The following CDKL3 variants were observed in gnomAD, a reference collection of about 807,000 sequenced individuals.
The protein encoded by CDKL3 is cyclin-dependent kinase-like 3.
Under a neutral mutation model 69.3 loss-of-function variants are expected in CDKL3, and 65 were observed. The observed-to-expected ratio is 0.94, with a 90% CI of 0.77 to 1.15. The LOEUF (loss-of-function observed/expected upper bound fraction) is 1.15. Among genes scored for constraint, CDKL3 ranks in the 50% most tolerant of loss-of-function variants. The pLI, the probability that CDKL3 is intolerant of heterozygous loss-of-function variation, is 0.00. For missense variants in CDKL3, 652 were observed against 689.2 expected (o/e 0.95, Z 0.61); for synonymous variants, 202 against 221.6 (o/e 0.91, Z 0.79).
intron 10 of CDKL3, among the ~76,000 whole-genome samples, chr5:134,306,322 T>C (rs989150853): frequency 1.3e-5 from 2 of 151,852 alleles, no homozygotes; most frequent in Non-Finnish European, 2.9e-5. Context: ...TAGTGAGACT[T>C]TGTCGCTACA....
At chr5:134,336,380 G>A (rs1777112377) in intron 4 of CDKL3, among the ~76,000 whole-genome samples, 2 of 152,172 alleles carry the variant, frequency 1.3e-5, no homozygotes, top group African/African-American at 4.8e-5. Flanking sequence ...GTGAGGAGTT[G>A]TGTTCCTTTG....
At chr5:134,349,465 C>T (rs183844471) in intron 4 of CDKL3, among the ~76,000 whole-genome samples, 58 of 152,158 alleles carry the variant, frequency 3.8e-4, no homozygotes. Context: ...AAATTTTGCA[C>T]CTAAAACAGT....
intron 6 of CDKL3, among the ~76,000 whole-genome samples, chr5:134,317,048 C>T (rs2149473119): frequency 6.6e-6 from 1 of 151,924 alleles, no homozygotes; most frequent in East Asian, 1.9e-4. Context: ...TGGTTCTTGC[C>T]ACCACTTTCA....
upstream of CDKL3, chr5:134,371,486 C>CGGCGGT (rs1758400930): frequency 6.7e-6 from 9 of 1,336,288 alleles, no homozygotes; most frequent in East Asian, 2.3e-4. Context: ...GCGGCGGCGG[C>CGGCGGT]GGCGGCGGCG....
chr5:134,319,564 G>C lies in CDKL3; in HGVS notation c.653-67C>G. 4.6e-6 allele frequency: 6 copies of C among 1,310,600 alleles called. No individual in the cohort carries two copies. In the South Asian group the frequency reaches 8.7e-5, roughly 19 times the overall value. 81.2% of individuals were successfully genotyped at this position (1,310,600 alleles called of 1,614,324 possible). On this transcript the variant is annotated intron_variant, in intron 5 of 12. Coordinates refer to ENST00000265334, the MANE Select transcript of CDKL3 (RefSeq NM_001113575.2). ...AGTCTATAATCAAAACAATCAAATT[G>C]CTATGTCATCTATGTTAGATTACTA...
At chr5:134,371,577 C>T (rs373780934), upstream of CDKL3, 57 of 1,611,774 alleles carry the variant, frequency 3.5e-5, no homozygotes, top group Middle Eastern at 1.7e-4. Flanking sequence ...TCAGACTGAC[C>T]GCGGGGCAGC....
intron 4 of CDKL3, among the ~76,000 whole-genome samples, chr5:134,349,714 T>C (rs1474578770): frequency 6.6e-6 from 1 of 152,218 alleles, no homozygotes; most frequent in African/African-American, 2.4e-5. Context: ...GCTGTGTCCA[T>C]TCAGCCTGTG....
downstream of CDKL3, among the ~76,000 whole-genome samples, chr5:134,295,011 CTTTT>C (rs869256167): frequency 1.0e-5 from 1 of 100,422 alleles, no homozygotes; most frequent in Admixed American, 1.1e-4. Context: ...ATTTTTTTTT[CTTTT>C]TTTTTTTTTT....
At chr5:134,361,714 G>A (rs1236390320) in intron 2 of CDKL3, among the ~76,000 whole-genome samples, 1 of 152,080 alleles carries the variant, frequency 6.6e-6, no homozygotes. Context: ...GACCAGCCTG[G>A]TCAACATGGT....
chr5:134,308,604 A>C lies in CDKL3; in HGVS notation c.1005T>G (p.Asn335Lys). ...CCAAAACTGAACTACTTAGCAGTGT[A>C]TTGGTATAAACTGTTTTTCTTTCAT... Reference protein sequence around the residue: ...RKDERKTVYTNTLLSSSVLGK... With the variant: ...RKDERKTVYTKTLLSSSVLGK... Residue 335 changes from asparagine to lysine, a missense_variant, in exon 8 of 13, where the codon AAT becomes AAG. Transcript: ENST00000265334. 6.2e-7 allele frequency: 1 copy of C among 1,602,360 alleles called. No homozygotes were observed. The highest frequency in any genetic ancestry group is 8.5e-7 in the Non-Finnish European group (1 of 1,177,044).
chr5:134,352,364 G>A (rs867205619), intron 3 of CDKL3, among the ~76,000 whole-genome samples: 2 of 149,994 alleles, frequency 1.3e-5, no homozygotes, highest in Non-Finnish European at 2.9e-5. Flanking sequence ...GCAGTGGCAC[G>A]ATCGCAGCTC....
chr5:134,293,001 T>TC (rs1765186333), intron 8 of CDKL3, among the ~76,000 whole-genome samples: 1 of 118,488 alleles, frequency 8.4e-6, no homozygotes, highest in Non-Finnish European at 1.8e-5. Context: ...ACTGCCAATT[T>TC]CTTTTTTTTT....
chr5:134,300,494 T>G (rs1284553925), intron 12 of CDKL3, among the ~76,000 whole-genome samples: 2 of 152,196 alleles, frequency 1.3e-5, no homozygotes, highest in African/African-American at 4.8e-5. Context: ...TCATATTCTT[T>G]CATGCTCTAA....
intron 3 of CDKL3, among the ~76,000 whole-genome samples, chr5:134,358,758 G>A (rs1755256147): frequency 6.6e-6 from 1 of 152,048 alleles, no homozygotes; most frequent in East Asian, 1.9e-4. Context: ...GATTGTGCAC[G>A]ATGCCTGATG....
At chr5:134,307,298 T>C (rs1005596681) in intron 9 of CDKL3, among the ~76,000 whole-genome samples, 2 of 152,332 alleles carry the variant, frequency 1.3e-5, no homozygotes, top group Middle Eastern at 3.4e-3. Context: ...CTCTTAACTA[T>C]CAGCTTTCTC....
At position 134,366,277 on chromosome 5, in the gene CDKL3, T is replaced by C. The variant is rs1757415510; in HGVS notation, c.165+82A>G. The C allele has an allele frequency of 5.2e-6, 5 of 953,568 alleles. No homozygotes were observed. In the East Asian group the frequency reaches 1.1e-4, roughly 20 times the overall value. The allele number at this position is 953,568 out of a possible 1,614,324, so 59.1% of individuals were successfully genotyped here. On this transcript the variant is annotated intron_variant, in intron 2 of 12. Transcript: ENST00000265334. The stretch of plus-strand genomic sequence containing the variant: ...TCTCCATAATATGAATCAGTACGTG[T>C]GAACTAAAATATTTTATGCAATTTT...
chr5:134,283,485 C>T (rs556378093), downstream of CDKL3, among the ~76,000 whole-genome samples: 5 of 152,222 alleles, frequency 3.3e-5, no homozygotes, highest in African/African-American at 1.2e-4. Context: ...CAGGATAACG[C>T]CCCCTTGTAA....
Position 134,308,271 on chromosome 5 carries a change from G to C in CDKL3, c.1231C>G (p.Pro411Ala). The change falls in exon 9 of 13, where the codon CCC (proline) becomes GCC (alanine). Residue 411 changes from proline to alanine, a missense_variant. Coordinates refer to ENST00000265334, the MANE Select transcript of CDKL3 (RefSeq NM_001113575.2). The part of the protein sequence containing the change: ...VTIEPPNPIN[P>A]STNCNGLKEN... ...TTCAAGCCATTACAGTTAGTGCTGGGATTGATAGGGTTTGGTGGTTCAATG... is the reference window on the plus strand; with the variant it reads ...TTCAAGCCATTACAGTTAGTGCTGGCATTGATAGGGTTTGGTGGTTCAATG... The C allele has an allele frequency of 6.2e-7, 1 of 1,613,932 alleles. No homozygotes were observed. The highest frequency in any genetic ancestry group is 8.5e-7 in the Non-Finnish European group (1 of 1,179,858).
At chr5:134,326,811 G>GTGTGTGTATATATATATA (rs1774338739) in intron 4 of CDKL3, among the ~76,000 whole-genome samples, 1 of 87,324 alleles carries the variant, frequency 1.1e-5, no homozygotes, top group African/African-American at 5.3e-5. Flanking sequence ...ATATATATAT[G>GTGTGTGTATATATATATA]TGTGTGTATA....
Sources: gnomAD v4.1 joint callset for allele counts (sites outside exome capture counted in the v4.1 genomes callset) on GRCh38, gnomAD v4.1.1 for gene constraint, MANE v1.5 for transcripts, NCBI Gene and HGNC (gene_info 2026-07-23, HGNC 2026-07-21) for gene names.